ABCA3: variants seen among roughly 807,000 people sequenced by gnomAD.
The protein encoded by ABCA3 is phospholipid-transporting ATPase ABCA3.
In ABCA3, 88 loss-of-function variants were observed where a neutral mutation model predicts 172.8. That is an observed-to-expected ratio of 0.51 (90% CI 0.43 to 0.61). ABCA3 has a LOEUF of 0.61. ABCA3 is among the 20% of genes least tolerant of loss of function. The pLI is 0.00. For synonymous variants in ABCA3, 1,066 were observed against 983.8 expected (o/e 1.08, Z -1.56); for missense variants, 2,164 against 2,301.0 (o/e 0.94, Z 1.22).
At chr16:2,322,486 G>A (rs1488913466) in intron 7 of ABCA3, among the ~76,000 whole-genome samples, 5 of 149,950 alleles carry the variant, frequency 3.3e-5, no homozygotes, top group African/African-American at 1.2e-4. Flanking sequence ...CCATTTACTC[G>A]TCATTTAACA....
At position 2,290,816 on chromosome 16, in the gene ABCA3, T is replaced by C. The variant is rs796615802; in HGVS notation, c.2514-1196A>G. On this transcript the variant is annotated intron_variant, in intron 19 of 32. Transcript: ENST00000301732. Reference sequence around the variant, plus strand: ...CATGTCCTGCATGTATGATCACCTATTCTGTCGCCTCCTCTAGGCTGTGGG... The same window carrying C: ...CATGTCCTGCATGTATGATCACCTACTCTGTCGCCTCCTCTAGGCTGTGGG... Among the ~76,000 whole-genome samples, 15 of 152,314 alleles carry C rather than the reference T, an allele frequency of 9.8e-5. 1 individual carries two copies. The highest frequency in any genetic ancestry group is 3.6e-4 in the African/African-American group (15 of 41,574).
chr16:2,311,855 C>T (rs1183063673), intron 10 of ABCA3, among the ~76,000 whole-genome samples: 1 of 152,132 alleles, frequency 6.6e-6, no homozygotes, highest in Admixed American at 6.6e-5. Flanking sequence ...CAGGGTTTCA[C>T]CATGTTGTCC....
intron 14 of ABCA3, 58 bp from the exon 15 acceptor site, chr16:2,298,598 C>T (rs968712658): frequency 5.6e-6 from 9 of 1,593,066 alleles, no homozygotes; most frequent in Middle Eastern, 2.2e-4. Context: ...TCAGCACCCG[C>T]GGTAATGACC....
chr16:2,319,532 C>G (rs2093722272), intron 8 of ABCA3, 49 bp downstream of exon 8: 1 of 1,600,396 alleles, frequency 6.2e-7, no homozygotes, highest in Admixed American at 1.7e-5. Flanking sequence ...ATGGCCTCCC[C>G]AGGACAGCGC....
chr16:2,331,678 A>G (rs2093743436), intron 1 of ABCA3, among the ~76,000 whole-genome samples: 1 of 152,244 alleles, frequency 6.6e-6, no homozygotes, highest in Non-Finnish European at 1.5e-5. Context: ...GCAAATGTAC[A>G]CAAGAGAAAG....
chr16:2,287,960 G>A lies in ABCA3; in HGVS notation c.3004+66C>T. 1 of 1,578,184 alleles carries A rather than the reference G, an allele frequency of 6.3e-7. No homozygotes were observed. Among genetic ancestry groups the A allele is most frequent in the Non-Finnish European group, 8.6e-7 (1 of 1,164,574 alleles). On this transcript the variant is annotated intron_variant, in intron 21 of 32. Coordinates refer to ENST00000301732, the MANE Select transcript of ABCA3 (RefSeq NM_001089.3). This position sits in a 1 kb window ranked among gnomAD's most constrained non-coding sequence, Gnocchi z 4.1. ...CAGATGTCGACCCTGCTGCAGTCAG[G>A]AAGGCGAACTCTGGCTGCAGGACTG... is the stretch of plus-strand genomic sequence containing the variant.
chr16:2,307,810 T>C (rs537506630), intron 11 of ABCA3, among the ~76,000 whole-genome samples: 1 of 152,112 alleles, frequency 6.6e-6, no homozygotes, highest in East Asian at 2.0e-4. Context: ...TTTCACCTTG[T>C]TAGCCAGGAT....
At chr16:2,327,013 C>A (rs1385091793) in intron 3 of ABCA3, among the ~76,000 whole-genome samples, 1 of 152,196 alleles carries the variant, frequency 6.6e-6, no homozygotes, top group Non-Finnish European at 1.5e-5. Context: ...CCAAAAAAAC[C>A]CAAAGAGCAT....
chr16:2,323,787 G>A (rs1009579270), intron 6 of ABCA3, 99 bp from the exon 7 acceptor site: 18 of 1,309,876 alleles, frequency 1.4e-5, no homozygotes, highest in South Asian at 7.2e-5. Flanking sequence ...TGTCACAGCC[G>A]AGAACTCACC....
chr16:2,286,971 G>T lies in ABCA3; in HGVS notation c.3005-4C>A. The T allele has an allele frequency of 6.2e-7, 1 of 1,612,202 alleles. No homozygotes were observed. On this transcript the variant is annotated splice_region_variant and splice_polypyrimidine_tract_variant and intron_variant, in intron 21 of 32. Transcript: ENST00000301732. This position sits in a 1 kb window ranked among gnomAD's most constrained non-coding sequence, Gnocchi z 5.2. The stretch of plus-strand genomic sequence containing the variant: ...ATCAAGAACTCCTCCAGGTCACCTG[G>T]GGAGCAATGGCAGAGTCAGGGGACA...
At position 2,332,241 on chromosome 16, in the gene ABCA3, T is replaced by A. The variant is rs1362388488; in HGVS notation, c.-538-2387A>T. On this transcript the variant is annotated intron_variant, in intron 1 of 32. Transcript: ENST00000301732. ...CCCAAACTCCTCCATTTCTTTTTTT[T>A]TTTTCCTTGAAACTTTAAAATCCTT... 3 of 436,248 alleles carry A rather than the reference T, an allele frequency of 6.9e-6. No homozygotes were observed. The Admixed American group carries it at 1.1e-4, about 17-fold the overall frequency. 27.0% of individuals were successfully genotyped at this position (436,248 alleles called of 1,614,324 possible). A position where few individuals can be genotyped will look rare whatever the true frequency, so the allele number is the denominator to read the frequency against.
chr16:2,320,805 C>T (rs557797409), intron 7 of ABCA3, among the ~76,000 whole-genome samples: 9 of 152,244 alleles, frequency 5.9e-5, no homozygotes, highest in South Asian at 4.1e-4. Context: ...GTCTCACACA[C>T]GTTATATCTC....
At position 2,297,389 on chromosome 16, in the gene ABCA3, T is replaced by C; in HGVS notation, c.2203A>G (p.Ile735Val). 1.2e-6 allele frequency: 2 copies of C among 1,613,484 alleles called. No individual in the cohort carries two copies. Among genetic ancestry groups the C allele is most frequent in the Non-Finnish European group, 1.7e-6 (2 of 1,179,990 alleles). The change falls in exon 17 of 33, where the codon ATC (isoleucine) becomes GTC (valine). Residue 735 changes from isoleucine to valine, a missense_variant. Coordinates refer to ENST00000301732, the MANE Select transcript of ABCA3 (RefSeq NM_001089.3). This position sits in a 1 kb window ranked among gnomAD's most constrained non-coding sequence, Gnocchi z 5.6. ...CACTGCAGCTCCCCCTTGGCCATGA[T>C]GGCGATGCGGTCTCCCAGCAGGTCA... ...EADLLGDRIA[I>V]MAKGELQCCG...
In ABCA3 at chr16:2,313,950, A is replaced by G. The variant is rs139862869; in HGVS notation, c.1111+3333T>C. The stretch of plus-strand genomic sequence containing the variant: ...GACTGAGAGATACCCCCTCACACCC[A>G]TTAGGATGGCGACTATAAAAAACAA... On this transcript the variant is annotated intron_variant, in intron 10 of 32. Transcript: ENST00000301732. Among the ~76,000 whole-genome samples the G allele has an allele frequency of 6.0e-4, 91 of 152,128 alleles. 3 individuals are homozygous for G. The South Asian group carries it at 0.013, about 22-fold the overall frequency.
intron 1 of ABCA3, among the ~76,000 whole-genome samples, chr16:2,330,070 C>CG (rs928091629): frequency 1.3e-5 from 2 of 151,742 alleles, no homozygotes; most frequent in African/African-American, 4.8e-5. Context: ...CTGAGCTGGG[C>CG]GGATCACCTG....
intron 18 of ABCA3, among the ~76,000 whole-genome samples, chr16:2,293,311 A>G (rs2141703140): frequency 6.6e-6 from 1 of 150,820 alleles, no homozygotes; most frequent in South Asian, 2.1e-4. Context: ...CTGACCTCCC[A>G]AAGTGCTGGG....
chr16:2,290,147 A>T (rs2093669839), intron 19 of ABCA3, among the ~76,000 whole-genome samples: 1 of 152,112 alleles, frequency 6.6e-6, no homozygotes, highest in Admixed American at 6.5e-5. Context: ...TCCTGTGTGC[A>T]GGCTGCCGTG....
chr16:2,278,204 T>G lies in ABCA3; in HGVS notation c.4718+84A>C. On this transcript the variant is annotated intron_variant, in intron 30 of 32. Transcript: ENST00000301732. The surrounding 1 kb of genome is among the most constrained non-coding windows in gnomAD (Gnocchi z 4.4). ...GCTCACGGGCAGACTCTGCACCAGA[T>G]GCTGATGGGTCTCCTGGCCACCTGG... is the stretch of plus-strand genomic sequence containing the variant. 6.3e-7 allele frequency: 1 copy of G among 1,598,560 alleles called. No individual in the cohort carries two copies. The highest frequency in any genetic ancestry group is 1.1e-5 in the South Asian group (1 of 90,896).
intron 1 of ABCA3, chr16:2,332,603 G>A (rs1596871247): frequency 5.2e-6 from 8 of 1,533,148 alleles, no homozygotes; most frequent in Non-Finnish European, 7.2e-6. Context: ...GGCTCCAGCA[G>A]CTTGTACTGT....
Sources: gnomAD v4.1 joint callset for allele counts (sites outside exome capture counted in the v4.1 genomes callset) on GRCh38, gnomAD v4.1.1 for gene constraint, Gnocchi (gnomAD v3.1) non-coding constraint, MANE v1.5 for transcripts, NCBI Gene and HGNC (gene_info 2026-07-23, HGNC 2026-07-21) for gene names.